Variants in FAT4 observed in about 807,000 individuals in gnomAD.
The protein encoded by FAT4 is FAT atypical cadherin 4, also known as protocadherin Fat 4.
FAT4 carries 84 observed loss-of-function variants against 303.9 expected under a neutral mutation model. The observed-to-expected ratio is 0.28, with a 90% CI of 0.23 to 0.33. The LOEUF (loss-of-function observed/expected upper bound fraction) is 0.33, where lower values mean the gene tolerates loss of function less well. FAT4 is among the 10% of genes least tolerant of loss of function. The probability of loss-of-function intolerance (pLI) is 1.00; values close to 1 mark genes in which losing one functional copy is unlikely to be tolerated. For missense variants in FAT4, 6,005 were observed against 6,146.8 expected, an observed-to-expected ratio of 0.98 and a Z score of 0.77; for synonymous variants, 2,307 against 2,298.8, an observed-to-expected ratio of 1.00 and a Z score of -0.10.
chr4:125,491,505 G>A lies in FAT4; in HGVS notation c.14689G>A (p.Gly4897Ser), dbSNP rs370075940. Residue 4897 changes from glycine to serine, a missense_variant, in exon 18 of 18, where the codon GGT (glycine) becomes AGT (serine). Gly to Ser is a moderately conservative substitution (Grantham distance 56). Transcript: ENST00000394329. Reference sequence around the variant, plus strand: ...CAGACTGAAGCCTCGAAGGTACCACGGTCGCAGGGCCGAGGGAGGACCTGT... The same window carrying A: ...CAGACTGAAGCCTCGAAGGTACCACAGTCGCAGGGCCGAGGGAGGACCTGT... ...GARLKPRRYH[G>S]RRAEGGPVGT... 2.1e-5 allele frequency: 34 copies of A among 1,613,990 alleles called. No homozygotes were observed. In the East Asian group the frequency reaches 2.2e-4, roughly 11 times the overall value.
rs1315836444 is a variant in FAT4, at chr4:125,320,605, T to A, written c.4194T>A (p.Pro1398=). ...TAACAGCAAAAGACCAAGGAAGACC[T>A]CCTCGTTCATCTACAATGTCAGTGG... is the stretch of plus-strand genomic sequence containing the variant. The part of the protein sequence containing the change: ...LNITAKDQGR[P]PRSSTMSVVI... The change falls in exon 2 of 18, where the codon CCT becomes CCA. Residue 1398 remains proline (P), a synonymous_variant. Coordinates refer to ENST00000394329, the MANE Select transcript of FAT4 (RefSeq NM_001291303.3). The A allele has an allele frequency of 6.2e-7, 1 of 1,614,022 alleles. No homozygotes were observed. The highest frequency in any genetic ancestry group is 2.2e-5 in the East Asian group (1 of 44,894).
chr4:125,401,154 T>G (rs1734373775), intron 3 of FAT4, among the ~76,000 whole-genome samples: 1 of 151,992 alleles, frequency 6.6e-6, no homozygotes, highest in Admixed American at 6.6e-5. Context: ...TTAAATGCAT[T>G]TTTCTCTTAA....
At chr4:125,471,950 G>A (rs72675373) in intron 12 of FAT4, among the ~76,000 whole-genome samples, 56 of 143,716 alleles carry the variant, frequency 3.9e-4, no homozygotes, top group Non-Finnish European at 6.3e-4. Flanking sequence ...AGCGGTGTGC[G>A]CCTGTAGTCC....
Position 125,416,440 on chromosome 4 carries a change from T to C in FAT4, c.6844-8T>C. 6.2e-7 allele frequency: 1 copy of C among 1,612,446 alleles called. No homozygotes were observed. Among genetic ancestry groups the C allele is most frequent in the South Asian group, 1.1e-5 (1 of 90,886 alleles). On this transcript the variant is annotated splice_region_variant and splice_polypyrimidine_tract_variant and intron_variant, in intron 6 of 17. Transcript: ENST00000394329. Reference sequence around the variant, plus strand: ...TTTACTCACATCTTGGTATGTACTGTTCTACAGGTGGTGGCAAGAGATGAT... The same window carrying C: ...TTTACTCACATCTTGGTATGTACTGCTCTACAGGTGGTGGCAAGAGATGAT...
chr4:125,472,574 A>C lies in FAT4; in HGVS notation c.12214-3597A>C, dbSNP rs1457701206. 3.3e-5 allele frequency among the ~76,000 whole-genome samples: 5 copies of C among 152,182 alleles called. No homozygotes were observed. In the East Asian group the frequency reaches 9.6e-4, roughly 29 times the overall value. The stretch of plus-strand genomic sequence containing the variant: ...TTTTTGACCAGTACACATAACAGAC[A>C]ATCTATTATGAAAGAACAAAATTTG... On this transcript the variant is annotated intron_variant, in intron 12 of 17. Coordinates refer to ENST00000394329, the MANE Select transcript of FAT4 (RefSeq NM_001291303.3).
At position 125,320,177 on chromosome 4, in the gene FAT4, A is replaced by G. The variant is rs764695012; in HGVS notation, c.3766A>G (p.Arg1256Gly). ...TTCTATAATAAAAGGAAATGAAGAAAGACAGTTTGCTATAGACAGTACCTC... is the reference window on the plus strand; with the variant it reads ...TTCTATAATAAAAGGAAATGAAGAAGGACAGTTTGCTATAGACAGTACCTC... ...HYSIIKGNEE[R>G]QFAIDSTSGQ... Residue 1256 changes from arginine to glycine, a missense_variant, in exon 2 of 18, where the codon AGA becomes GGA. Transcript: ENST00000394329. The G allele has an allele frequency of 6.2e-7, 1 of 1,613,982 alleles. No individual in the cohort carries two copies. The highest frequency in any genetic ancestry group is 1.1e-5 in the South Asian group (1 of 91,076).
rs896427036 is a variant in FAT4 at position 125,490,862 on chromosome 4, A to C, written c.14046A>C (p.Gln4682His). ...SSLTYQPSYG[Q>H]GLRTSSLSHS... ...TGACTTACCAGCCTTCATATGGTCA[A>C]GGTTTGAGAACCAGCTCCCTAAGCC... The change falls in exon 18 of 18, where the codon CAA becomes CAC. Residue 4682 changes from glutamine to histidine, a missense_variant. By Grantham distance (24) the Gln-to-His change is conservative. Transcript: ENST00000394329. 6.2e-7 allele frequency: 1 copy of C among 1,614,174 alleles called. No homozygotes were observed. The highest frequency in any genetic ancestry group is 8.5e-7 in the Non-Finnish European group (1 of 1,180,044).
In FAT4 at chr4:125,492,076, T is replaced by G. The variant is rs1014246723; in HGVS notation, c.*308T>G. On this transcript the variant is annotated 3_prime_UTR_variant, in exon 18 of 18. Transcript: ENST00000394329. ...TTTGTGATTTTTAAAAATTGATACC[T>G]TTACCATTGCAGAAAAGAACTTGTG... The G allele has an allele frequency of 2.4e-5, 7 of 286,678 alleles. No individual in the cohort carries two copies. In the South Asian group the frequency reaches 4.5e-4, roughly 18 times the overall value. 17.8% of individuals were successfully genotyped at this position (286,678 alleles called of 1,614,324 possible). A position where few individuals can be genotyped will look rare whatever the true frequency, so the allele number is the denominator to read the frequency against.
In FAT4 at chr4:125,317,250, G is replaced by T; in HGVS notation, c.839G>T (p.Gly280Val). The T allele has an allele frequency of 8.2e-6, 13 of 1,579,566 alleles. No individual in the cohort carries two copies. Among genetic ancestry groups the T allele is most frequent in the Non-Finnish European group, 1.0e-5 (12 of 1,160,512 alleles). The change falls in exon 2 of 18, where the codon GGC (glycine) becomes GTC (valine). Residue 280 changes from glycine (G) to valine (V), a missense_variant. Gly to Val is a moderately radical substitution (Grantham distance 109). Transcript: ENST00000394329. This position sits in a 1 kb window ranked among gnomAD's most constrained non-coding sequence, Gnocchi z 7.0. ...LQVAAADADE[G>V]TNADIRYRLQ... Reference sequence around the variant, plus strand: ...GTGGCGGCGGCGGACGCGGACGAGGGCACCAACGCGGACATCCGCTATCGC... The same window carrying T: ...GTGGCGGCGGCGGACGCGGACGAGGTCACCAACGCGGACATCCGCTATCGC...
chr4:125,408,301 T>A, intron 4 of FAT4, 143 bp from the exon 5 acceptor site: 1 of 543,594 alleles, frequency 1.8e-6, no homozygotes, highest in East Asian at 3.0e-5. Context: ...ATCTGCAGAA[T>A]GTTATGTTCA....
chr4:125,337,705 T>C (rs573182492), intron 2 of FAT4, among the ~76,000 whole-genome samples: 1 of 152,252 alleles, frequency 6.6e-6, no homozygotes, highest in African/African-American at 2.4e-5. Flanking sequence ...GGATTACTGT[T>C]ATTACATATA....
At chr4:125,434,189 T>C in intron 7 of FAT4, 56 bp from the exon 8 acceptor site, 1 of 1,546,054 alleles carries the variant, frequency 6.5e-7, no homozygotes, top group Non-Finnish European at 8.8e-7. Context: ...TAATTTTTGT[T>C]AAATTTGTTA....
intron 10 of FAT4, among the ~76,000 whole-genome samples, chr4:125,463,169 A>G (rs756904049): frequency 1.3e-5 from 2 of 152,054 alleles, no homozygotes; most frequent in Non-Finnish European, 2.9e-5. Context: ...GAAATACCTA[A>G]GTCAAGAAAA....
chr4:125,452,378 G>T lies in FAT4; in HGVS notation c.11368G>T (p.Glu3790Ter). 1 of 1,614,216 alleles carries T rather than the reference G, an allele frequency of 6.2e-7. No homozygotes were observed. Among genetic ancestry groups the T allele is most frequent in the Non-Finnish European group, 8.5e-7 (1 of 1,180,036 alleles). The change falls in exon 10 of 18, where the codon GAG (glutamate) becomes TAG (stop). Residue 3790 changes from glutamate (E) to a stop codon, truncating the protein, a stop_gained. Transcript: ENST00000394329. LOFTEE classifies it high-confidence loss of function. ...AGCCACCTTCTTTGAAAGCATCAAA[G>T]AGATCCTTCTCCGGCAGAGTGGAGT... ...GVATFFESIK[E>*]ILLRQSGVKV...
Position 125,316,602 on chromosome 4 carries a change from T to A in FAT4, c.191T>A (p.Ile64Asn). The A allele has an allele frequency of 1.9e-6, 3 of 1,613,966 alleles. No homozygotes were observed. The highest frequency in any genetic ancestry group is 2.5e-6 in the Non-Finnish European group (3 of 1,180,024). ...EQPPGTLVGT[I>N]QTRPGFTYRL... The stretch of plus-strand genomic sequence containing the variant: ...CCTCCAGGCACTCTGGTAGGCACCA[T>A]CCAGACGCGCCCCGGCTTCACCTAC... The change falls in exon 2 of 18, where the codon ATC becomes AAC. Residue 64 changes from isoleucine to asparagine, a missense_variant. Physicochemically the swap from Ile to Asn is moderately radical, Grantham distance 149. Coordinates refer to ENST00000394329, the MANE Select transcript of FAT4 (RefSeq NM_001291303.3). This position sits in a 1 kb window ranked among gnomAD's most constrained non-coding sequence, Gnocchi z 5.7.
chr4:125,473,981 C>A (rs2126081150), intron 12 of FAT4, among the ~76,000 whole-genome samples: 1 of 152,078 alleles, frequency 6.6e-6, no homozygotes, highest in South Asian at 2.1e-4. Context: ...TGGAAACTGG[C>A]AAAATCATTA....
rs781492551 is a variant in FAT4 at position 125,450,216 on chromosome 4, C to T, written c.9206C>T (p.Pro3069Leu). The T allele has an allele frequency of 5.6e-6, 9 of 1,613,886 alleles. No homozygotes were observed. The highest frequency in any genetic ancestry group is 7.6e-6 in the Non-Finnish European group (9 of 1,179,978). ...GTCACTGCAAAGGATAAGGGAAACC[C>T]TCCACTTTCTTCCCAAGCAACTGTT... Reference protein sequence around the residue: ...ITVTAKDKGNPPLSSQATVHI... With the variant: ...ITVTAKDKGNLPLSSQATVHI... Residue 3069 changes from proline to leucine, a missense_variant, in exon 10 of 18, where the codon CCT becomes CTT. Pro to Leu is a moderately conservative substitution (Grantham distance 98). Transcript: ENST00000394329.
intron 2 of FAT4, among the ~76,000 whole-genome samples, chr4:125,389,470 G>GA (rs1178477386): frequency 6.6e-6 from 1 of 151,954 alleles, no homozygotes; most frequent in African/African-American, 2.4e-5. Context: ...TAGTTCTAAA[G>GA]AAAAAAATGC....
intron 10 of FAT4, among the ~76,000 whole-genome samples, chr4:125,458,763 T>C (rs968114374): frequency 6.6e-6 from 1 of 151,972 alleles, no homozygotes; most frequent in African/African-American, 2.4e-5. Context: ...TTTGTGCTTG[T>C]TTTACAAGAC....
Sources: gnomAD v4.1 joint callset for allele counts (sites outside exome capture counted in the v4.1 genomes callset) on GRCh38, gnomAD v4.1.1 for gene constraint, Gnocchi (gnomAD v3.1) non-coding constraint, MANE v1.5 for transcripts, NCBI Gene and HGNC (gene_info 2026-07-23, HGNC 2026-07-21) for gene names.